The following FHL5 variants were observed in gnomAD, a reference collection of about 807,000 sequenced individuals.
FHL5 encodes four and a half LIM domains 5.
Under a neutral mutation model 32.0 loss-of-function variants are expected in FHL5, and 33 were observed. The observed-to-expected ratio is 1.03, with a 90% CI of 0.78 to 1.38. The LOEUF (loss-of-function observed/expected upper bound fraction) is 1.38, where lower values mean the gene tolerates loss of function less well. Among genes scored for constraint, FHL5 ranks in the 40% most tolerant of loss-of-function variants. FHL5 has a pLI of 0.00. For missense variants in FHL5, 336 were observed against 343.9 expected, an observed-to-expected ratio of 0.98 and a Z score of 0.18; for synonymous variants, 114 against 113.6, an observed-to-expected ratio of 1.00 and a Z score of -0.02.
intron 1 of FHL5, among the ~76,000 whole-genome samples, chr6:96,595,063 T>C (rs1771008330): frequency 6.6e-6 from 1 of 151,940 alleles, no homozygotes; most frequent in African/African-American, 2.4e-5. Context: ...CCTTATTCTT[T>C]CTTTTTGTCT....
chr6:96,603,758 G>T lies in FHL5; in HGVS notation c.145G>T (p.Glu49Ter). ...NYCEECKKPI[E>*]SDSKDLCYKD... ...TTGCGAGGAATGCAAAAAACCAATT[G>T]AATCTGATTCTAAGGTAAGTCTCAC... Residue 49 changes from glutamate (E) to a stop codon, truncating the protein, a stop_gained, in exon 2 of 6, where the codon GAA becomes TAA. Transcript: ENST00000450218. LOFTEE classifies it high-confidence loss of function. The T allele has an allele frequency of 6.2e-7, 1 of 1,609,106 alleles. No homozygotes were observed. Among genetic ancestry groups the T allele is most frequent in the Non-Finnish European group, 8.5e-7 (1 of 1,177,970 alleles).
intron 1 of FHL5, among the ~76,000 whole-genome samples, chr6:96,584,449 G>GTGTGTGTGTT (rs1233191436): frequency 1.3e-3 from 197 of 148,166 alleles, no homozygotes; most frequent in African/African-American, 4.7e-3. Context: ...GTGTGTGTGT[G>GTGTGTGTGTT]TGTGTGTGTG....
intron 1 of FHL5, among the ~76,000 whole-genome samples, chr6:96,588,002 A>G (rs899524824): frequency 6.6e-6 from 1 of 152,104 alleles, no homozygotes; most frequent in Non-Finnish European, 1.5e-5. Flanking sequence ...CTTTTTTGCT[A>G]TGGCTAGTAT....
rs950644434 is a variant in FHL5, at chr6:96,618,058, G to A, written c.*2286G>A. Among the ~76,000 whole-genome samples the A allele has an allele frequency of 6.6e-6, 1 of 152,308 alleles. No individual in the cohort carries two copies. The highest frequency in any genetic ancestry group is 3.4e-3 in the Middle Eastern group (1 of 294). On this transcript the variant is annotated 3_prime_UTR_variant, in exon 6 of 6. Coordinates refer to ENST00000450218, the MANE Select transcript of FHL5 (RefSeq NM_001322466.2). ...GTGCCTGATGCAAAGATCCTTGCCT[G>A]CAGGTTAAACAAAGCACCACATATG...
At position 96,616,696 on chromosome 6, in the gene FHL5, A is replaced by G. The variant is rs933238658; in HGVS notation, c.*924A>G. ...GTCTTGGAACATGACTTTCATCCAGATATCTAACGACATAATAGAATGCAT... is the reference window on the plus strand; with the variant it reads ...GTCTTGGAACATGACTTTCATCCAGGTATCTAACGACATAATAGAATGCAT... On this transcript the variant is annotated 3_prime_UTR_variant, in exon 6 of 6. Coordinates refer to ENST00000450218, the MANE Select transcript of FHL5 (RefSeq NM_001322466.2). 6.6e-6 allele frequency: 1 copy of G among 152,222 alleles called. No individual in the cohort carries two copies. Among genetic ancestry groups the G allele is most frequent in the African/African-American group, 2.4e-5 (1 of 41,454 alleles). The allele number at this position is 152,222 out of a possible 1,614,324, so 9.4% of individuals were successfully genotyped here. A position where few individuals can be genotyped will look rare whatever the true frequency, so the allele number is the denominator to read the frequency against.
At chr6:96,582,946 T>G (rs1770724854) in intron 1 of FHL5, among the ~76,000 whole-genome samples, 1 of 152,164 alleles carries the variant, frequency 6.6e-6, no homozygotes, top group African/African-American at 2.4e-5. Context: ...ACCCATGACT[T>G]TTCCATTCTT....
In FHL5 at chr6:96,604,627, T is replaced by A. The variant is rs532987525; in HGVS notation, c.160-123T>A. On this transcript the variant is annotated intron_variant, in intron 2 of 5. Coordinates refer to ENST00000450218, the MANE Select transcript of FHL5 (RefSeq NM_001322466.2). ...TATGGGTAACAGTTTCAGTAACAAC[T>A]TTCCCTCACGCTACTAGCACAACCT... The A allele has an allele frequency of 3.1e-5, 19 of 613,802 alleles. No homozygotes were observed. In the African/African-American group the frequency reaches 3.6e-4, roughly 12 times the overall value. The allele number at this position is 613,802 out of a possible 1,614,324, so 38.0% of individuals were successfully genotyped here.
At chr6:96,607,059 A>T (rs1256703141) in intron 4 of FHL5, among the ~76,000 whole-genome samples, 1 of 152,158 alleles carries the variant, frequency 6.6e-6, no homozygotes, top group Non-Finnish European at 1.5e-5. Flanking sequence ...GAGAAAAAAA[A>T]AGTAATATTT....
At position 96,595,640 on chromosome 6, in the gene FHL5, C is replaced by T. The variant is rs534885676; in HGVS notation, c.-12-7962C>T. 1.8e-3 allele frequency among the ~76,000 whole-genome samples: 270 copies of T among 151,536 alleles called. 1 individual carries two copies. Among genetic ancestry groups the T allele is most frequent in the African/African-American group, 5.9e-3 (244 of 41,438 alleles). On this transcript the variant is annotated intron_variant, in intron 1 of 5. Transcript: ENST00000450218. Reference sequence around the variant, plus strand: ...TATTTTCTATCTCTTTTTCTTTCTTCATTGTATTTTATAGTATATCTTTAG... The same window carrying T: ...TATTTTCTATCTCTTTTTCTTTCTTTATTGTATTTTATAGTATATCTTTAG...
chr6:96,568,848 T>C (rs1178412377), intron 1 of FHL5, among the ~76,000 whole-genome samples: 1 of 151,878 alleles, frequency 6.6e-6, no homozygotes, highest in Non-Finnish European at 1.5e-5. Context: ...ACCTTTACGT[T>C]TTTCTTGGGT....
In FHL5 at chr6:96,618,142, A is replaced by AACCC. The variant is rs1478796813; in HGVS notation, c.*2372_*2373insCCAC. Among the ~76,000 whole-genome samples, 2 of 152,352 alleles carry AACCC rather than the reference A, an allele frequency of 1.3e-5. No homozygotes were observed. Among genetic ancestry groups the AACCC allele is most frequent in the Non-Finnish European group, 2.9e-5 (2 of 68,038 alleles). The stretch of plus-strand genomic sequence containing the variant: ...AAAAGACCTCCTTAGGTCTTTGCGT[A>AACCC]ACACACACAAAGATAAATGTAAAAA... On this transcript the variant is annotated 3_prime_UTR_variant, in exon 6 of 6. Transcript: ENST00000450218.
At chr6:96,572,537 A>C (rs1770501396) in intron 1 of FHL5, among the ~76,000 whole-genome samples, 1 of 152,072 alleles carries the variant, frequency 6.6e-6, no homozygotes, top group South Asian at 2.1e-4. Flanking sequence ...AGCCATGACT[A>C]CTTACTCCTT....
intron 1 of FHL5, among the ~76,000 whole-genome samples, chr6:96,584,463 G>GTT (rs1304638817): frequency 0.012 from 1,453 of 121,884 alleles, 15 homozygotes; most frequent in African/African-American, 0.046. Flanking sequence ...GTGTGTGTTT[G>GTT]TGTGTGTGTG....
At chr6:96,571,468 A>G (rs1427053034) in intron 1 of FHL5, among the ~76,000 whole-genome samples, 1 of 152,166 alleles carries the variant, frequency 6.6e-6, no homozygotes, top group Non-Finnish European at 1.5e-5. Context: ...CTGCAGTGGC[A>G]TGGGTTCTAC....
chr6:96,607,023 TCCCACTC>T (rs1228863408), intron 4 of FHL5, among the ~76,000 whole-genome samples: 1 of 152,008 alleles, frequency 6.6e-6, no homozygotes, highest in Non-Finnish European at 1.5e-5. Context: ...TGACTTGGCT[TCCCACTC>T]AAAAAAAACA....
chr6:96,612,901 A>G (rs748942646), intron 5 of FHL5, among the ~76,000 whole-genome samples: 75 of 152,196 alleles, frequency 4.9e-4, no homozygotes, highest in Admixed American at 8.5e-4. Flanking sequence ...ACCATTGGGA[A>G]TTCTGATATT....
chr6:96,611,992 G>A (rs562731636), intron 5 of FHL5, among the ~76,000 whole-genome samples: 107 of 152,310 alleles, frequency 7.0e-4, no homozygotes, highest in African/African-American at 2.4e-3. Flanking sequence ...CATTGGGTGA[G>A]CAGACTGCCT....
At chr6:96,580,390 T>C (rs900883158) in intron 1 of FHL5, among the ~76,000 whole-genome samples, 6 of 152,156 alleles carry the variant, frequency 3.9e-5, no homozygotes, top group Admixed American at 6.6e-5. Context: ...TTAGAAGGGA[T>C]ACAACAAGCT....
Position 96,604,242 on chromosome 6 carries a change from A to ATTCT in FHL5, c.160-486_160-483dup, listed in dbSNP as rs371303898. 2.8e-3 allele frequency among the ~76,000 whole-genome samples: 424 copies of ATTCT among 151,296 alleles called. 2 individuals carry two copies. Among genetic ancestry groups the ATTCT allele is most frequent in the African/African-American group, 7.0e-3 (287 of 41,176 alleles). On this transcript the variant is annotated intron_variant, in intron 2 of 5. Coordinates refer to ENST00000450218, the MANE Select transcript of FHL5 (RefSeq NM_001322466.2). ...TACCACCCCTTCCTCCGACATGCTT[A>ATTCT]TTCTTTCTTTCTTTCTTTCTTTCTT...
Sources: allele counts gnomAD v4.1 joint callset (sites outside exome capture counted in the v4.1 genomes callset), GRCh38; gene constraint gnomAD v4.1.1; transcripts MANE v1.5; gene names NCBI Gene and HGNC (gene_info 2026-07-23, HGNC 2026-07-21).